Variants in LAMA2 observed in about 807,000 individuals in gnomAD.
LAMA2 encodes the protein laminin subunit alpha 2, also known as laminin subunit alpha-2.
In LAMA2, 269 loss-of-function variants were observed where a neutral mutation model predicts 364.8. The observed-to-expected ratio is 0.74, with a 90% confidence interval of 0.67 to 0.82. LAMA2 has a LOEUF of 0.82. Ranked by LOEUF, LAMA2 falls within the 40% of genes least tolerant of loss-of-function variation. The pLI is 0.00. For synonymous variants in LAMA2, 1,379 were observed against 1,370.6 expected (o/e 1.01, Z -0.14); for missense variants, 3,807 against 3,873.2 (o/e 0.98, Z 0.45).
chr6:129,038,689 A>G (rs1786851588), intron 1 of LAMA2, among the ~76,000 whole-genome samples: 1 of 152,214 alleles, frequency 6.6e-6, no homozygotes, highest in Non-Finnish European at 1.5e-5. Context: ...TCAAATTCCT[A>G]GGCCAAAGTC....
In LAMA2 at chr6:129,349,349, T is replaced by C; in HGVS notation, c.4488T>C (p.Ala1496=). Residue 1496 remains alanine (A), a synonymous_variant, in exon 31 of 65, where the codon GCT becomes GCC. Transcript: ENST00000421865. ...GACTTGACGACTACCGCTGCACGGC[T>C]TGTCCACGGGGATATGAAGGCCAGT... ...AEGLDDYRCT[A]CPRGYEGQYC... 1 of 1,613,660 alleles carries C rather than the reference T, an allele frequency of 6.2e-7. No individual in the cohort carries two copies. The highest frequency in any genetic ancestry group is 8.5e-7 in the Non-Finnish European group (1 of 1,179,668).
intron 1 of LAMA2, among the ~76,000 whole-genome samples, chr6:128,970,357 C>A (rs1207718812): frequency 6.6e-6 from 1 of 152,134 alleles, no homozygotes; most frequent in Non-Finnish European, 1.5e-5. Context: ...GTATGAAGAT[C>A]TTTCAAACGT....
At chr6:129,428,380 G>A (rs1276251659) in intron 41 of LAMA2, among the ~76,000 whole-genome samples, 1 of 152,232 alleles carries the variant, frequency 6.6e-6, no homozygotes. Context: ...GTTACCGTGA[G>A]TTGTGATCAC....
intron 20 of LAMA2, among the ~76,000 whole-genome samples, chr6:129,292,521 T>G (rs952779068): frequency 7.2e-5 from 11 of 152,214 alleles, no homozygotes; most frequent in Non-Finnish European, 2.9e-5. Flanking sequence ...AATATTCAAT[T>G]AAAATACAGC....
At chr6:129,261,211 G>T (rs1157808338) in intron 15 of LAMA2, among the ~76,000 whole-genome samples, 4 of 150,544 alleles carry the variant, frequency 2.7e-5, no homozygotes, top group Non-Finnish European at 5.9e-5. Context: ...TTTTAATTCT[G>T]TATCACACTT....
At chr6:129,387,701 C>T (rs62421011) in intron 35 of LAMA2, among the ~76,000 whole-genome samples, 1 of 152,156 alleles carries the variant, frequency 6.6e-6, no homozygotes, top group African/African-American at 2.4e-5. Flanking sequence ...ACATATACAC[C>T]ATGGAATACT....
At chr6:128,891,819 A>C (rs976170678) in intron 1 of LAMA2, among the ~76,000 whole-genome samples, 2 of 152,084 alleles carry the variant, frequency 1.3e-5, no homozygotes, top group African/African-American at 4.8e-5. Flanking sequence ...CTTAGCCTAC[A>C]ATAAAAACTC....
intron 1 of LAMA2, among the ~76,000 whole-genome samples, chr6:128,903,194 A>G (rs1366944419): frequency 1.3e-5 from 2 of 152,132 alleles, no homozygotes; most frequent in African/African-American, 4.8e-5. Flanking sequence ...ATTTCTTTGT[A>G]AGACACTGTT....
chr6:129,271,109 G>T lies in LAMA2; in HGVS notation c.2450+358G>T, dbSNP rs192178727. Reference sequence around the variant, plus strand: ...ACCCATCTTCATACCTTAATAAAAGGATATAAATACAGCTAATTTGGGTTC... The same window carrying T: ...ACCCATCTTCATACCTTAATAAAAGTATATAAATACAGCTAATTTGGGTTC... On this transcript the variant is annotated intron_variant, in intron 17 of 64. Transcript: ENST00000421865. Among the ~76,000 whole-genome samples the T allele has an allele frequency of 5.6e-3, 848 of 152,122 alleles. 10 individuals are homozygous for T. Among genetic ancestry groups the T allele is most frequent in the African/African-American group, 0.019 (801 of 41,516 alleles).
rs1780777861 is a variant in LAMA2, at chr6:129,416,139, C to T, written c.5866-11613C>T. The stretch of plus-strand genomic sequence containing the variant: ...AATTTTTTTGTATTTTTAGTAGAGA[C>T]GGGGTTTCACCGTTTTAGCCGGGAT... On this transcript the variant is annotated intron_variant, in intron 40 of 64. Coordinates refer to ENST00000421865, the MANE Select transcript of LAMA2 (RefSeq NM_000426.4). Among the ~76,000 whole-genome samples the T allele has an allele frequency of 3.2e-5, 2 of 61,970 alleles. 1 individual carries two copies. Among genetic ancestry groups the T allele is most frequent in the South Asian group, 1.2e-3 (2 of 1,664 alleles). 40.7% of individuals were successfully genotyped at this position (61,970 alleles called of 152,430 possible).
At chr6:129,456,947 G>A (rs1782997467) in intron 48 of LAMA2, among the ~76,000 whole-genome samples, 1 of 152,146 alleles carries the variant, frequency 6.6e-6, no homozygotes, top group Non-Finnish European at 1.5e-5. Context: ...AAGTTCTCAA[G>A]TTGCTCTTAT....
At chr6:129,044,568 T>C (rs1176445636) in intron 1 of LAMA2, among the ~76,000 whole-genome samples, 2 of 151,228 alleles carry the variant, frequency 1.3e-5, no homozygotes, top group Non-Finnish European at 3.0e-5. Context: ...TATATATATA[T>C]ATACACTATA....
chr6:129,370,733 A>G (rs1166800711), intron 34 of LAMA2, among the ~76,000 whole-genome samples: 1 of 152,222 alleles, frequency 6.6e-6, no homozygotes, highest in Non-Finnish European at 1.5e-5. Flanking sequence ...TCCACTTTGT[A>G]TTTTAAAGAA....
intron 29 of LAMA2, among the ~76,000 whole-genome samples, chr6:129,342,115 T>C (rs1008579455): frequency 6.6e-6 from 1 of 152,210 alleles, no homozygotes; most frequent in Non-Finnish European, 1.5e-5. Flanking sequence ...TTATTGTCAG[T>C]GTAGCTACGA....
At chr6:129,189,567 A>G (rs992204844) in intron 10 of LAMA2, among the ~76,000 whole-genome samples, 1 of 152,098 alleles carries the variant, frequency 6.6e-6, no homozygotes, top group African/African-American at 2.4e-5. Context: ...TAGTATCACT[A>G]TGTGACTAAC....
Position 128,890,455 on chromosome 6 carries a change from T to C in LAMA2, c.112+7098T>C, listed in dbSNP as rs550111587. ...AAAAAAAATCCATTTCTAAGTTATG[T>C]TAGTCTATCATATCCAGAGATTCAT... On this transcript the variant is annotated intron_variant, in intron 1 of 64. Transcript: ENST00000421865. Among the ~76,000 whole-genome samples, 16 of 152,180 alleles carry C rather than the reference T, an allele frequency of 1.1e-4. No individual in the cohort carries two copies. In the East Asian group the frequency reaches 1.2e-3, roughly 11 times the overall value.
chr6:129,164,945 C>T (rs1455084583), intron 8 of LAMA2, among the ~76,000 whole-genome samples: 1 of 151,986 alleles, frequency 6.6e-6, no homozygotes, highest in Non-Finnish European at 1.5e-5. Context: ...TATGCCTTAC[C>T]TATTCTGTGC....
intron 12 of LAMA2, among the ~76,000 whole-genome samples, chr6:129,213,386 A>G (rs1045882274): frequency 6.6e-6 from 1 of 152,214 alleles, no homozygotes; most frequent in Non-Finnish European, 1.5e-5. Context: ...TTATTTGGGT[A>G]AATACCAAAG....
chr6:129,239,150 A>G (rs1785222843), intron 12 of LAMA2, among the ~76,000 whole-genome samples: 1 of 152,210 alleles, frequency 6.6e-6, no homozygotes, highest in South Asian at 2.1e-4. Context: ...TCATCACAAC[A>G]ACGCTATGAG....
Sources: allele counts gnomAD v4.1 joint callset (sites outside exome capture counted in the v4.1 genomes callset), GRCh38; gene constraint gnomAD v4.1.1; transcripts MANE v1.5; gene names NCBI Gene and HGNC (gene_info 2026-07-23, HGNC 2026-07-21).